GABRQ: variants seen among roughly 807,000 people sequenced by gnomAD.
GABRQ encodes gamma-aminobutyric acid type A receptor subunit theta.
A neutral mutation model predicts 30.5 loss-of-function variants in GABRQ; 19 were observed. The observed-to-expected ratio is 0.62, with a 90% CI of 0.43 to 0.91. GABRQ has a LOEUF of 0.91. GABRQ is among the 40% of genes least tolerant of loss of function. The pLI is 0.00. For synonymous variants in GABRQ, 187 were observed against 210.2 expected, an observed-to-expected ratio of 0.89 and a Z score of 0.95; for missense variants, 520 against 521.4, an observed-to-expected ratio of 1.00 and a Z score of 0.03.
intron 5 of GABRQ, 78 bp from the exon 6 acceptor site, chrX:152,649,664 G>A: frequency 2.4e-6 from 2 of 831,933 alleles, no homozygotes; most frequent in Non-Finnish European, 3.5e-6. Context: ...TTAGTGGGTA[G>A]GAGCTTGTAG....
At chrX:152,644,199 A>G (rs1423560174) in intron 2 of GABRQ, among the ~76,000 whole-genome samples, 1 of 111,202 alleles carries the variant, frequency 9.0e-6, no homozygotes, top group East Asian at 2.8e-4. Context: ...GCCCACATAC[A>G]CAAACACACT....
At chrX:152,651,891 C>A in intron 8 of GABRQ, 109 bp downstream of exon 8, 1 of 669,654 alleles carries the variant, frequency 1.5e-6, no homozygotes, top group Non-Finnish European at 2.3e-6. Context: ...CGCACCCACA[C>A]ATGCGCGCAC....
intron 8 of GABRQ, 43 bp downstream of exon 8, chrX:152,651,825 T>C (rs1556820306): frequency 1.5e-5 from 18 of 1,174,964 alleles, no homozygotes; most frequent in Admixed American, 1.1e-4. Context: ...TGAGCACCTC[T>C]TGAGCCCAGG....
intron 4 of GABRQ, among the ~76,000 whole-genome samples, chrX:152,648,830 C>T (rs1221213321): frequency 1.8e-5 from 2 of 112,535 alleles, no homozygotes; most frequent in Non-Finnish European, 3.8e-5. Flanking sequence ...GCACCTCTGG[C>T]TTGTGTACAG....
downstream of GABRQ, among the ~76,000 whole-genome samples, chrX:152,658,900 G>A (rs1430276823): frequency 3.6e-5 from 4 of 111,597 alleles, no homozygotes; most frequent in Non-Finnish European, 5.6e-5. Context: ...AAATCCTTTC[G>A]TGAAGAAAGT....
At chrX:152,658,649 C>T (rs1556821413), downstream of GABRQ, among the ~76,000 whole-genome samples, 1 of 112,250 alleles carries the variant, frequency 8.9e-6, no homozygotes, top group Non-Finnish European at 1.9e-5. Flanking sequence ...ATGGCCTCCA[C>T]ACAAGTACAG....
rs1556819976 is a variant in GABRQ, at chrX:152,650,457, C to A, written c.778C>A (p.Gln260Lys). The change falls in exon 7 of 9, where the codon CAG becomes AAG. Residue 260 changes from glutamine (Q) to lysine (K), a missense_variant. Physicochemically the swap from Gln to Lys is moderately conservative, Grantham distance 53 (BLOSUM62 1). Coordinates refer to ENST00000598523, the MANE Select transcript of GABRQ (RefSeq NM_018558.4). ...CTACATACGCCTGATACTGAAGTTC[C>A]AGGTTCAGAGGGAAGTTAACAGCTA... ...GSYIRLILKF[Q>K]VQREVNSYLV... 8.3e-7 allele frequency: 1 copy of A among 1,207,843 alleles called. No homozygotes were observed. Among genetic ancestry groups the A allele is most frequent in the Admixed American group, 2.2e-5 (1 of 45,889 alleles).
At chrX:152,647,446 A>T (rs1359699940) in intron 4 of GABRQ, among the ~76,000 whole-genome samples, 1 of 111,053 alleles carries the variant, frequency 9.0e-6, no homozygotes, top group Non-Finnish European at 1.9e-5. Flanking sequence ...AACCTTGCCC[A>T]CCCTGAAATC....
At chrX:152,647,266 T>A (rs1930913441) in intron 4 of GABRQ, 98 bp downstream of exon 4, 1 of 611,619 alleles carries the variant, frequency 1.6e-6, no homozygotes. Flanking sequence ...AGGCACCCAC[T>A]GCTTTCCAAA....
At chrX:152,640,960 A>T (rs1304584352) in intron 2 of GABRQ, among the ~76,000 whole-genome samples, 1 of 110,528 alleles carries the variant, frequency 9.0e-6, no homozygotes, top group African/African-American at 3.3e-5. Context: ...CAGCTCCCTC[A>T]TTCTCAGTTT....
chrX:152,649,961 C>T (rs868985872), intron 6 of GABRQ, 82 bp downstream of exon 6: 13 of 790,385 alleles, frequency 1.6e-5, no homozygotes, highest in African/African-American at 1.4e-4. Context: ...GATTTTGGCT[C>T]CTATTCTCTG....
In GABRQ at chrX:152,647,052, G is replaced by A. The variant is rs200218386; in HGVS notation, c.411G>A (p.Lys137=). ...CCCTGGACTATCGGATGCATGAGAA[G>A]TTGTGGGTCCCTGACTGCTACTTTC... ...NLTLDYRMHE[K]LWVPDCYFLN... Residue 137 remains lysine, a synonymous_variant, in exon 4 of 9, where the codon AAG becomes AAA. Transcript: ENST00000598523. 1.3e-5 allele frequency: 16 copies of A among 1,206,711 alleles called. No homozygotes were observed. In the South Asian group the frequency reaches 2.1e-4, roughly 16 times the overall value.
At chrX:152,649,583 C>T (rs1227743785) in intron 5 of GABRQ, among the ~76,000 whole-genome samples, 159 bp from the exon 6 acceptor site, 1 of 112,227 alleles carries the variant, frequency 8.9e-6, no homozygotes, top group Non-Finnish European at 1.9e-5. Context: ...GCATCTGGGA[C>T]TAGGTGGTCT....
chrX:152,648,074 T>G (rs1390780339), intron 4 of GABRQ, among the ~76,000 whole-genome samples: 1 of 112,123 alleles, frequency 8.9e-6, no homozygotes, highest in East Asian at 2.8e-4. Context: ...AAGGGAGAAT[T>G]AGCTGAATAA....
Position 152,649,673 on chromosome X carries a change from A to G in GABRQ, c.611-69A>G, listed in dbSNP as rs1930971249. 8.9e-6 allele frequency: 8 copies of G among 897,643 alleles called. No homozygotes were observed. The Admixed American group carries it at 1.1e-4, about 13-fold the overall frequency. 74.0% of individuals were successfully genotyped at this position (897,643 alleles called of 1,213,427 possible). The stretch of plus-strand genomic sequence containing the variant: ...TGCAAGTTAGTGGGTAGGAGCTTGT[A>G]GCATGTCTTTTTTGTGCTTTTCTTT... On this transcript the variant is annotated intron_variant, in intron 5 of 8. Coordinates refer to ENST00000598523, the MANE Select transcript of GABRQ (RefSeq NM_018558.4).
At chrX:152,643,590 A>C (rs1416992238) in intron 2 of GABRQ, among the ~76,000 whole-genome samples, 1 of 112,546 alleles carries the variant, frequency 8.9e-6, no homozygotes, top group Non-Finnish European at 1.9e-5. Context: ...AGTGTAGTGT[A>C]CTACATATTT....
At chrX:152,651,917 A>ACT in intron 8 of GABRQ, 135 bp downstream of exon 8, 1 of 531,109 alleles carries the variant, frequency 1.9e-6, no homozygotes, top group Non-Finnish European at 3.1e-6. Context: ...AAACACACAC[A>ACT]CACAACATAT....
chrX:152,638,281 A>C lies in GABRQ; in HGVS notation c.79A>C (p.Ser27Arg). Reference protein sequence around the residue: ...RTWLAEGNYPSPIPKFHFEFS... With the variant: ...RTWLAEGNYPRPIPKFHFEFS... Reference sequence around the variant, plus strand: ...CTGGCTCGCGGAGGGCAACTACCCCAGTCCCATCCCGAAATTCCACTTCGA... The same window carrying C: ...CTGGCTCGCGGAGGGCAACTACCCCCGTCCCATCCCGAAATTCCACTTCGA... The change falls in exon 1 of 9, where the codon AGT becomes CGT. Residue 27 changes from serine to arginine, a missense_variant. Ser to Arg is a moderately radical substitution (Grantham distance 110). Transcript: ENST00000598523. 8.3e-7 allele frequency: 1 copy of C among 1,209,930 alleles called. No individual in the cohort carries two copies. Among genetic ancestry groups the C allele is most frequent in the Non-Finnish European group, 1.1e-6 (1 of 893,415 alleles).
chrX:152,647,044 C>T lies in GABRQ; in HGVS notation c.403C>T (p.His135Tyr), dbSNP rs1363619846. The T allele has an allele frequency of 8.3e-7, 1 of 1,201,025 alleles. No individual in the cohort carries two copies. Among genetic ancestry groups the T allele is most frequent in the Non-Finnish European group, 1.1e-6 (1 of 886,974 alleles). The change falls in exon 4 of 9, where the codon CAT becomes TAT. Residue 135 changes from histidine (H) to tyrosine (Y), a missense_variant. His to Tyr is a moderately conservative substitution (Grantham distance 83, BLOSUM62 2). Coordinates refer to ENST00000598523, the MANE Select transcript of GABRQ (RefSeq NM_018558.4). ...GAACTTGACCCTGGACTATCGGATGCATGAGAAGTTGTGGGTCCCTGACTG... is the reference window on the plus strand; with the variant it reads ...GAACTTGACCCTGGACTATCGGATGTATGAGAAGTTGTGGGTCCCTGACTG... ...TLNLTLDYRM[H>Y]EKLWVPDCYF... is the part of the protein sequence containing the mutation.
Sources: gnomAD v4.1 joint callset for allele counts (sites outside exome capture counted in the v4.1 genomes callset) on GRCh38, gnomAD v4.1.1 for gene constraint, MANE v1.5 for transcripts, NCBI Gene and HGNC (gene_info 2026-07-23, HGNC 2026-07-21) for gene names.